Variants in FSTL4 observed in about 807,000 individuals in gnomAD.
FSTL4 encodes follistatin like 4, also known as follistatin-related protein 4.
Under a neutral mutation model 78.2 loss-of-function variants are expected in FSTL4, and 28 were observed. That is an observed-to-expected ratio of 0.36 (90% confidence interval 0.27 to 0.49). The LOEUF is 0.49. Among genes scored for constraint, FSTL4 ranks in the 20% least tolerant of loss-of-function variants. The pLI, the probability that FSTL4 is intolerant of heterozygous loss-of-function variation, is 0.98. For synonymous variants in FSTL4, 422 were observed against 440.5 expected (o/e 0.96, Z 0.53); for missense variants, 922 against 1,084.9 (o/e 0.85, Z 2.11).
At chr5:133,303,113 G>A (rs887434914) in intron 6 of FSTL4, among the ~76,000 whole-genome samples, 3 of 152,122 alleles carry the variant, frequency 2.0e-5, no homozygotes, top group Non-Finnish European at 2.9e-5. Flanking sequence ...CCCTGCTGCC[G>A]TCTTTGCATA....
In FSTL4 at chr5:133,301,693, T is replaced by C. The variant is rs577297481; in HGVS notation, c.727+10961A>G. On this transcript the variant is annotated intron_variant, in intron 6 of 15. Coordinates refer to ENST00000265342, the MANE Select transcript of FSTL4 (RefSeq NM_015082.2). Reference sequence around the variant, plus strand: ...GCACCGTCTGACGAAAAATTGCCCATGCCATCTGGAGAAGAACGGCTCTCC... The same window carrying C: ...GCACCGTCTGACGAAAAATTGCCCACGCCATCTGGAGAAGAACGGCTCTCC... 1.1e-3 allele frequency among the ~76,000 whole-genome samples: 164 copies of C among 152,256 alleles called. 3 individuals carry two copies. Among genetic ancestry groups the C allele is most frequent in the African/African-American group, 3.7e-3 (153 of 41,566 alleles).
intron 15 of FSTL4, among the ~76,000 whole-genome samples, chr5:133,200,008 C>T (rs1246629314): frequency 6.6e-6 from 1 of 152,156 alleles, no homozygotes; most frequent in East Asian, 1.9e-4. Context: ...TACAAATGTT[C>T]CTGGATTTAT....
At chr5:133,836,828 G>A in the FSTL4 span, among the ~76,000 whole-genome samples, 1 of 152,106 alleles carries the variant, frequency 6.6e-6, no homozygotes, top group African/African-American at 2.4e-5. Flanking sequence ...GCTCACTGTT[G>A]CTCTTAGAAG....
chr5:133,669,843 C>A, the FSTL4 span, among the ~76,000 whole-genome samples: 1 of 152,202 alleles, frequency 6.6e-6, no homozygotes, highest in Admixed American at 6.5e-5. Flanking sequence ...CCCCGCACTG[C>A]AACCAGAGGG....
intron 4 of FSTL4, among the ~76,000 whole-genome samples, chr5:133,393,657 A>G (rs1755916494): frequency 6.6e-6 from 1 of 152,280 alleles, no homozygotes; most frequent in Non-Finnish European, 1.5e-5. Context: ...CCAAGGCCAG[A>G]CCAGGCTGAA....
At chr5:133,540,199 T>C (rs1759437552) in intron 3 of FSTL4, among the ~76,000 whole-genome samples, 1 of 151,978 alleles carries the variant, frequency 6.6e-6, no homozygotes, top group East Asian at 1.9e-4. Context: ...GCCTCCACAA[T>C]TGCAAGAGAT....
At chr5:133,364,325 C>T (rs1224547107) in intron 4 of FSTL4, among the ~76,000 whole-genome samples, 2 of 152,168 alleles carry the variant, frequency 1.3e-5, no homozygotes, top group East Asian at 3.9e-4. Context: ...ACAAGTAAAG[C>T]CTGCTGTCTC....
At chr5:133,441,316 C>A (rs1021752100) in intron 3 of FSTL4, among the ~76,000 whole-genome samples, 1 of 152,180 alleles carries the variant, frequency 6.6e-6, no homozygotes, top group African/African-American at 2.4e-5. Context: ...GAACTCCCAG[C>A]ACTCCTGGCT....
chr5:133,347,256 T>C (rs939393451), intron 4 of FSTL4, among the ~76,000 whole-genome samples: 1 of 152,204 alleles, frequency 6.6e-6, no homozygotes, highest in Non-Finnish European at 1.5e-5. Context: ...GTGAACTCCC[T>C]CTGTCGGGAG....
At chr5:133,252,798 G>A (rs530113160) in intron 6 of FSTL4, among the ~76,000 whole-genome samples, 1 of 152,144 alleles carries the variant, frequency 6.6e-6, no homozygotes, top group Non-Finnish European at 1.5e-5. Flanking sequence ...CCTCAAACAT[G>A]GGGCTAATAG....
the FSTL4 span, among the ~76,000 whole-genome samples, chr5:133,680,059 T>A: frequency 6.6e-6 from 1 of 152,214 alleles, no homozygotes; most frequent in Non-Finnish European, 1.5e-5. Context: ...TCTTTTATTT[T>A]GTTTCTGTAA....
chr5:133,312,692 T>C lies in FSTL4; in HGVS notation c.689A>G (p.Asp230Gly). ...GAACTCGCGGAGGGTCAGGGAGCTGTCACTGTTGTAATCGTCAAATCGGAG... is the reference window on the plus strand; with the variant it reads ...GAACTCGCGGAGGGTCAGGGAGCTGCCACTGTTGTAATCGTCAAATCGGAG... ...DLLRFDDYNS[D>G]SSLTLREFYM... is the part of the protein sequence containing the mutation. The change falls in exon 6 of 16, where the codon GAC becomes GGC. Residue 230 changes from aspartate (D) to glycine (G), a missense_variant. Asp to Gly is a moderately conservative substitution (Grantham distance 94). Transcript: ENST00000265342. The C allele has an allele frequency of 8.1e-6, 13 of 1,613,994 alleles. No homozygotes were observed. Among genetic ancestry groups the C allele is most frequent in the African/African-American group, 1.3e-5 (1 of 74,988 alleles).
intron 2 of FSTL4, among the ~76,000 whole-genome samples, chr5:133,581,161 A>C (rs1760396058): frequency 6.6e-6 from 1 of 152,238 alleles, no homozygotes; most frequent in African/African-American, 2.4e-5. Flanking sequence ...AATGAGTTAT[A>C]TTTAATTAAA....
At chr5:133,613,688 G>A (rs1761151786), upstream of FSTL4, among the ~76,000 whole-genome samples, 1 of 152,166 alleles carries the variant, frequency 6.6e-6, no homozygotes, top group African/African-American at 2.4e-5. Context: ...TTTGGTCTGG[G>A]GTCCAGCTCT....
the FSTL4 span, among the ~76,000 whole-genome samples, chr5:133,674,410 A>G: frequency 6.6e-6 from 1 of 152,182 alleles, no homozygotes. Flanking sequence ...TTCTAATACT[A>G]CCAGTAACCA....
At chr5:133,839,957 A>G in the FSTL4 span, among the ~76,000 whole-genome samples, 1 of 152,218 alleles carries the variant, frequency 6.6e-6, no homozygotes, top group East Asian at 1.9e-4. Context: ...CCCACTCCTT[A>G]GCTGACAGCC....
chr5:133,330,546 C>T (rs897639663), intron 4 of FSTL4, among the ~76,000 whole-genome samples: 3 of 152,210 alleles, frequency 2.0e-5, no homozygotes, highest in South Asian at 2.1e-4. Flanking sequence ...ATCCCACCCC[C>T]ATGATCCAAT....
intron 3 of FSTL4, among the ~76,000 whole-genome samples, chr5:133,541,003 G>A (rs1002274278): frequency 3.3e-5 from 5 of 152,052 alleles, no homozygotes; most frequent in African/African-American, 9.7e-5. Flanking sequence ...GCCCCTGCAA[G>A]CTTTCACCAG....
chr5:133,723,343 A>T, the FSTL4 span, among the ~76,000 whole-genome samples: 1 of 152,154 alleles, frequency 6.6e-6, no homozygotes. Flanking sequence ...CAGGCCTTGG[A>T]GAGCAGAACA....
Sources: allele counts gnomAD v4.1 joint callset (sites outside exome capture counted in the v4.1 genomes callset), GRCh38; gene constraint gnomAD v4.1.1; transcripts MANE v1.5; gene names NCBI Gene and HGNC (gene_info 2026-07-23, HGNC 2026-07-21).